GPC5: variants seen among roughly 807,000 people sequenced by gnomAD.
GPC5 encodes the protein glypican-5.
In GPC5, 47 loss-of-function variants were observed where a neutral mutation model predicts 53.9. The ratio of observed to expected loss-of-function variants is 0.87; its 90% CI spans 0.69 to 1.11. The LOEUF is 1.11. Among genes scored for constraint, GPC5 ranks in the 50% most tolerant of loss-of-function variants. The pLI is 0.00. For synonymous variants in GPC5, 286 were observed against 263.3 expected, an observed-to-expected ratio of 1.09 and a Z score of -0.84; for missense variants, 748 against 713.1, an observed-to-expected ratio of 1.05 and a Z score of -0.56.
intron 7 of GPC5, among the ~76,000 whole-genome samples, chr13:92,228,573 A>G (rs1457181314): frequency 2.0e-5 from 3 of 152,172 alleles, no homozygotes; most frequent in Non-Finnish European, 2.9e-5. Context: ...TCATATGTCC[A>G]CTCAGTAGAG....
chr13:92,665,441 A>G (rs981849983), intron 7 of GPC5, among the ~76,000 whole-genome samples: 16 of 152,194 alleles, frequency 1.1e-4, no homozygotes, highest in African/African-American at 3.4e-4. Flanking sequence ...CCTTGGCCCC[A>G]GTGCTCTTTC....
At chr13:92,517,351 C>G (rs1880834522) in intron 7 of GPC5, among the ~76,000 whole-genome samples, 1 of 152,182 alleles carries the variant, frequency 6.6e-6, no homozygotes, top group Non-Finnish European at 1.5e-5. Flanking sequence ...TTTCTCCCAG[C>G]ATGCAGCTTG....
rs941135700 is a variant in GPC5, at chr13:92,754,606, A to G, written c.1562-111676A>G. Among the ~76,000 whole-genome samples the G allele has an allele frequency of 4.0e-5, 6 of 151,678 alleles. No individual in the cohort carries two copies. The Admixed American group carries it at 4.0e-4, about 10-fold the overall frequency. On this transcript the variant is annotated intron_variant, in intron 7 of 7. Coordinates refer to ENST00000377067, the MANE Select transcript of GPC5 (RefSeq NM_004466.6). ...ACCCATCTCACGTGCAGAGACACAC[A>G]TAGGCTCAAAATAAAAGGATGGAGG...
At chr13:92,469,506 T>C (rs1224059305) in intron 7 of GPC5, among the ~76,000 whole-genome samples, 1 of 152,156 alleles carries the variant, frequency 6.6e-6, no homozygotes, top group Non-Finnish European at 1.5e-5. Flanking sequence ...TGGTTAGCAT[T>C]ATGATTAAGA....
intron 7 of GPC5, among the ~76,000 whole-genome samples, chr13:92,533,906 A>T (rs1881639789): frequency 6.6e-6 from 1 of 152,136 alleles, no homozygotes. Flanking sequence ...CACAAGTTAG[A>T]TTTGCAATTC....
intron 6 of GPC5, among the ~76,000 whole-genome samples, chr13:92,031,743 TAA>T (rs1491124889): frequency 4.8e-5 from 4 of 84,124 alleles, no homozygotes; most frequent in East Asian, 6.6e-4. Context: ...ATATTATATA[TAA>T]TATATATTAT....
intron 2 of GPC5, among the ~76,000 whole-genome samples, chr13:91,479,302 G>A (rs1883178737): frequency 6.6e-6 from 1 of 151,994 alleles, no homozygotes; most frequent in Non-Finnish European, 1.5e-5. Flanking sequence ...ATTTTATCAT[G>A]TCACAAAAGC....
chr13:92,793,312 A>G lies in GPC5; in HGVS notation c.1562-72970A>G, dbSNP rs190781555. Among the ~76,000 whole-genome samples the G allele has an allele frequency of 2.3e-4, 35 of 152,324 alleles. 1 individual carries two copies. The East Asian group carries it at 6.8e-3, about 29-fold the overall frequency. On this transcript the variant is annotated intron_variant, in intron 7 of 7. Coordinates refer to ENST00000377067, the MANE Select transcript of GPC5 (RefSeq NM_004466.6). ...TGGGTACATAACGAAATGAAGGCAG[A>G]AAAAAAGATGTTCTTCGAAACCAAT...
chr13:92,106,299 TAAAC>T (rs1399793686), intron 6 of GPC5, among the ~76,000 whole-genome samples: 19 of 152,044 alleles, frequency 1.2e-4, no homozygotes, highest in Non-Finnish European at 2.4e-4. Context: ...GTAAAGCACT[TAAAC>T]AGGCAGTATA....
chr13:91,827,693 CTT>C (rs1012394929), intron 5 of GPC5, among the ~76,000 whole-genome samples: 8 of 152,032 alleles, frequency 5.3e-5, no homozygotes, highest in African/African-American at 1.7e-4. Flanking sequence ...AAATTAAAGA[CTT>C]AAACTGTTTC....
intron 2 of GPC5, among the ~76,000 whole-genome samples, chr13:91,651,983 G>A (rs1349000593): frequency 6.6e-6 from 1 of 152,154 alleles, no homozygotes; most frequent in Non-Finnish European, 1.5e-5. Context: ...CTGGAGTTCT[G>A]AGTTAGGAGG....
intron 7 of GPC5, among the ~76,000 whole-genome samples, chr13:92,566,119 A>G (rs1030218934): frequency 1.3e-5 from 2 of 152,094 alleles, no homozygotes; most frequent in African/African-American, 4.8e-5. Flanking sequence ...TTATCATTTA[A>G]TCTTGATAAT....
At chr13:92,780,120 CCTT>C (rs1370049860) in intron 7 of GPC5, among the ~76,000 whole-genome samples, 1 of 151,744 alleles carries the variant, frequency 6.6e-6, no homozygotes, top group Non-Finnish European at 1.5e-5. Context: ...GTACAGTTTC[CCTT>C]GAATTTTACA....
chr13:92,432,622 G>A (rs1411845548), intron 7 of GPC5, among the ~76,000 whole-genome samples: 3 of 151,094 alleles, frequency 2.0e-5, no homozygotes, highest in Non-Finnish European at 4.4e-5. Flanking sequence ...TGATCTGCCC[G>A]CCTCCGCCTC....
intron 7 of GPC5, among the ~76,000 whole-genome samples, chr13:92,496,091 A>G (rs913690801): frequency 1.3e-5 from 2 of 152,092 alleles, no homozygotes; most frequent in Non-Finnish European, 2.9e-5. Context: ...CTGTCAATGG[A>G]GGACCTATCT....
intron 7 of GPC5, among the ~76,000 whole-genome samples, chr13:92,772,353 T>A (rs770824673): frequency 6.6e-6 from 1 of 152,204 alleles, no homozygotes; most frequent in African/African-American, 2.4e-5. Context: ...CCTGTTCATC[T>A]TACTCAGATT....
chr13:92,545,740 A>G (rs1214468383), intron 7 of GPC5, among the ~76,000 whole-genome samples: 10 of 151,978 alleles, frequency 6.6e-5, no homozygotes, highest in East Asian at 1.9e-4. Flanking sequence ...GTCTGTTCAT[A>G]TCCTTTGCCC....
At chr13:92,151,719 T>A (rs370219047) in intron 7 of GPC5, among the ~76,000 whole-genome samples, 1 of 152,194 alleles carries the variant, frequency 6.6e-6, no homozygotes, top group African/African-American at 2.4e-5. Flanking sequence ...TCAGCAGAAA[T>A]GTTTCACATT....
intron 7 of GPC5, among the ~76,000 whole-genome samples, chr13:92,343,744 T>G (rs2043386467): frequency 6.6e-6 from 1 of 152,136 alleles, no homozygotes; most frequent in African/African-American, 2.4e-5. Flanking sequence ...ACATTTGAAC[T>G]GATCAGCATA....
Sources: gnomAD v4.1 joint callset for allele counts (sites outside exome capture counted in the v4.1 genomes callset) on GRCh38, gnomAD v4.1.1 for gene constraint, MANE v1.5 for transcripts, NCBI Gene and HGNC (gene_info 2026-07-23, HGNC 2026-07-21) for gene names.